Variants in ARHGAP45 observed in about 807,000 individuals in gnomAD.
ARHGAP45 encodes the protein rho GTPase-activating protein 45.
ARHGAP45 carries 56 observed loss-of-function variants against 116.1 expected under a neutral mutation model. The ratio of observed to expected loss-of-function variants is 0.48; its 90% CI spans 0.39 to 0.60. The LOEUF (loss-of-function observed/expected upper bound fraction) is 0.60, where lower values mean the gene tolerates loss of function less well. Among genes scored for constraint, ARHGAP45 ranks in the 20% least tolerant of loss-of-function variants. The probability of loss-of-function intolerance (pLI) is 0.00; values close to 1 mark genes in which losing one functional copy is unlikely to be tolerated. For missense variants in ARHGAP45, 1,622 were observed against 1,601.0 expected (o/e 1.01, Z -0.22); for synonymous variants, 866 against 701.7 (o/e 1.23, Z -3.70).
chr19:1,083,953 C>T (rs1377595876), intron 21 of ARHGAP45, among the ~76,000 whole-genome samples: 1 of 152,180 alleles, frequency 6.6e-6, no homozygotes, highest in African/African-American at 2.4e-5. Context: ...GTTGGCCAGG[C>T]TGGTCTCGAA....
rs779458393 is a variant in ARHGAP45, at chr19:1,074,021, C to A, written c.790+7C>A. On this transcript the variant is annotated splice_region_variant and intron_variant, in intron 6 of 22. Coordinates refer to ENST00000313093, the MANE Select transcript of ARHGAP45 (RefSeq NM_012292.5). ...CTGGAAGACTGTGACGCCGGTAAGC[C>A]CCCACCCAGCGGCAGGCAGGCATTT... is the stretch of plus-strand genomic sequence containing the variant. 6.3e-7 allele frequency: 1 copy of A among 1,596,928 alleles called. No individual in the cohort carries two copies. Among genetic ancestry groups the A allele is most frequent in the East Asian group, 2.3e-5 (1 of 43,870 alleles).
At chr19:1,081,162 A>T (rs1599768569) in intron 17 of ARHGAP45, 98 bp downstream of exon 17, 2 of 1,342,920 alleles carry the variant, frequency 1.5e-6, no homozygotes, top group Non-Finnish European at 1.0e-6. Context: ...TCCGGCCCAG[A>T]GCAGGGAGCA....
chr19:1,066,234 G>A (rs2043028531), upstream of ARHGAP45: 2 of 1,278,904 alleles, frequency 1.6e-6, no homozygotes, highest in African/African-American at 1.5e-5. Flanking sequence ...TTCTGGAAGG[G>A]GACAGCAGGG....
At chr19:1,083,888 C>T (rs2043520300) in intron 21 of ARHGAP45, among the ~76,000 whole-genome samples, 2 of 152,158 alleles carry the variant, frequency 1.3e-5, no homozygotes, top group African/African-American at 2.4e-5. Flanking sequence ...CTACAGGCGC[C>T]GGCCACCACA....
chr19:1,085,253 T>A (rs1142926), intron 22 of ARHGAP45, among the ~76,000 whole-genome samples: 50,088 of 151,902 alleles, frequency 0.33, 10,254 homozygotes, highest in Middle Eastern at 0.51. Context: ...AAACTCCAGT[T>A]TTTAGACCAT....
Position 1,073,139 on chromosome 19 carries a change from TC to T in ARHGAP45, c.422-6del. 6.2e-7 allele frequency: 1 copy of T among 1,601,740 alleles called. No individual in the cohort carries two copies. ...CCTACCCCACTGCTCACTCCGACTC[TC>T]CCCAGCAGACCTCCTTGAGGCCCGC... is the stretch of plus-strand genomic sequence containing the variant. On this transcript the variant is annotated splice_polypyrimidine_tract_variant and intron_variant, in intron 2 of 22. Coordinates refer to ENST00000313093, the MANE Select transcript of ARHGAP45 (RefSeq NM_012292.5).
In ARHGAP45 at chr19:1,069,863, C is replaced by T. The variant is rs1244055949; in HGVS notation, c.421+1119C>T. On this transcript the variant is annotated intron_variant, in intron 2 of 22. Coordinates refer to ENST00000313093, the MANE Select transcript of ARHGAP45 (RefSeq NM_012292.5). This position sits in a 1 kb window ranked among gnomAD's most constrained non-coding sequence, Gnocchi z 4.1. ...ACAGGGTCTTGCTCTGTTGCCCAGGCTGGAGTCCAGTGGTGTGATTGAGGC... is the reference window on the plus strand; with the variant it reads ...ACAGGGTCTTGCTCTGTTGCCCAGGTTGGAGTCCAGTGGTGTGATTGAGGC... Among the ~76,000 whole-genome samples the T allele has an allele frequency of 1.4e-4, 21 of 148,944 alleles. No individual in the cohort carries two copies.
chr19:1,081,107 C>T, intron 17 of ARHGAP45, 43 bp downstream of exon 17: 1 of 1,560,216 alleles, frequency 6.4e-7, no homozygotes, highest in South Asian at 1.2e-5. Context: ...CCTTCGGGAG[C>T]CTTTGGGGTG....
intron 19 of ARHGAP45, 42 bp from the exon 20 acceptor site, chr19:1,082,798 G>GGCCA: frequency 6.9e-7 from 1 of 1,442,840 alleles, no homozygotes; most frequent in African/African-American, 1.4e-5. Flanking sequence ...GTGGGGGCTG[G>GGCCA]GCCAGGCCCA....
intron 22 of ARHGAP45, among the ~76,000 whole-genome samples, chr19:1,084,824 G>A (rs958424379): frequency 2.0e-5 from 3 of 152,098 alleles, no homozygotes; most frequent in Non-Finnish European, 4.4e-5. Flanking sequence ...GGTGGCTCAC[G>A]CCTGTAATCC....
chr19:1,079,895 C>A (rs2043378198), intron 12 of ARHGAP45, 33 bp from the exon 13 acceptor site: 1 of 1,598,834 alleles, frequency 6.3e-7, no homozygotes, highest in South Asian at 1.1e-5. Flanking sequence ...GCGGCCTCCT[C>A]CTGACCCCTC....
chr19:1,073,047 GT>G, intron 2 of ARHGAP45, 101 bp from the exon 3 acceptor site: 7 of 1,389,348 alleles, frequency 5.0e-6, no homozygotes, highest in Non-Finnish European at 6.8e-6. Context: ...CTCTGCCTCA[GT>G]TTCCCCATCT....
rs1391916933 is a variant in ARHGAP45, at chr19:1,073,167, G to A, written c.440G>A (p.Arg147His). Residue 147 changes from arginine (R) to histidine (H), a missense_variant, in exon 3 of 23, where the codon CGC becomes CAC. Transcript: ENST00000313093. The stretch of plus-strand genomic sequence containing the variant: ...CCAGCAGACCTCCTTGAGGCCCGCC[G>A]CCCGCGGGCCCACGAGTGCCTGGGT... ...VLRDDLLEAR[R>H]PRAHECLGEA... 7 of 1,608,832 alleles carry A rather than the reference G, an allele frequency of 4.4e-6. No individual in the cohort carries two copies. Among genetic ancestry groups the A allele is most frequent in the Non-Finnish European group, 5.1e-6 (6 of 1,179,908 alleles).
At chr19:1,067,518 C>T (rs765879224) in intron 1 of ARHGAP45, 23 bp downstream of exon 1, 2 of 1,571,930 alleles carry the variant, frequency 1.3e-6, no homozygotes, top group East Asian at 4.6e-5. Context: ...CGGGTGAGAC[C>T]CGGAGCTGAC....
chr19:1,068,622 C>G lies in ARHGAP45; in HGVS notation c.299C>G (p.Pro100Arg). 1 of 1,611,678 alleles carries G rather than the reference C, an allele frequency of 6.2e-7. No individual in the cohort carries two copies. The change falls in exon 2 of 23, where the codon CCG becomes CGG. Residue 100 changes from proline (P) to arginine (R), a missense_variant. Physicochemically the swap from Pro to Arg is moderately radical, Grantham distance 103. Transcript: ENST00000313093. The surrounding 1 kb of genome is among the most constrained non-coding windows in gnomAD (Gnocchi z 7.5). ...SHRSPLTAAS[P>R]GELPTEGAGP... The stretch of plus-strand genomic sequence containing the variant: ...CGGAGCCCACTGACAGCCGCCAGCC[C>G]GGGCGAGCTGCCCACCGAGGGTGCC...
At chr19:1,066,247 A>G, upstream of ARHGAP45, 1 of 861,682 alleles carries the variant, frequency 1.2e-6, no homozygotes, top group South Asian at 2.0e-5. Context: ...CAGCAGGGAG[A>G]CTTGGGGAGG....
chr19:1,074,713 AC>A lies in ARHGAP45; in HGVS notation c.1095del (p.Phe366SerfsTer5). 6.2e-7 allele frequency: 1 copy of A among 1,605,706 alleles called. No homozygotes were observed. The highest frequency in any genetic ancestry group is 8.5e-7 in the Non-Finnish European group (1 of 1,176,854). ...VQAVGTLQTQ[T>X]FMQPLTLRRL... ...GGCGGTGGGCACCTTGCAGACCCAGACCTTCATGCAGGTGCGTGGTGCCCGG... is the reference window on the plus strand; with the variant it reads ...GGCGGTGGGCACCTTGCAGACCCAGACTTCATGCAGGTGCGTGGTGCCCGG... On this transcript the variant is annotated frameshift_variant, in exon 9 of 23. Coordinates refer to ENST00000313093, the MANE Select transcript of ARHGAP45 (RefSeq NM_012292.5). LOFTEE classifies it high-confidence loss of function.
At chr19:1,081,426 C>T (rs1266910994) in intron 17 of ARHGAP45, 124 bp from the exon 18 acceptor site, 1 of 1,027,144 alleles carries the variant, frequency 9.7e-7, no homozygotes, top group Admixed American at 3.1e-5. Flanking sequence ...CACTGTCCAG[C>T]TTGTGTTTGC....
At chr19:1,072,225 A>G (rs1485817142) in intron 2 of ARHGAP45, among the ~76,000 whole-genome samples, 2 of 151,150 alleles carry the variant, frequency 1.3e-5, no homozygotes, top group Non-Finnish European at 2.9e-5. Context: ...CCACGCTGCT[A>G]CTTTTTGTAT....
Sources: allele counts gnomAD v4.1 joint callset (sites outside exome capture counted in the v4.1 genomes callset), GRCh38; gene constraint gnomAD v4.1.1; non-coding constraint Gnocchi (gnomAD v3.1); transcripts MANE v1.5; gene names NCBI Gene and HGNC (gene_info 2026-07-23, HGNC 2026-07-21).